Variants in AHNAK observed in about 807,000 individuals in gnomAD.
AHNAK encodes the protein neuroblast differentiation-associated protein AHNAK.
A neutral mutation model predicts 37.8 loss-of-function variants in AHNAK; 23 were observed. The ratio of observed to expected loss-of-function variants is 0.61; its 90% CI spans 0.44 to 0.86. AHNAK has a LOEUF of 0.86. Among genes scored for constraint, AHNAK ranks in the 40% least tolerant of loss-of-function variants. The probability of loss-of-function intolerance (pLI) is 0.00; values close to 1 mark genes in which losing one functional copy is unlikely to be tolerated. For missense variants in AHNAK, 7,411 were observed against 7,319.4 expected (o/e 1.01, Z -0.46); for synonymous variants, 2,481 against 2,636.3 (o/e 0.94, Z 1.80).
At chr11:62,534,936 G>A (rs1483764192) in intron 4 of AHNAK, 67 bp downstream of exon 4, 1 of 1,540,868 alleles carries the variant, frequency 6.5e-7, no homozygotes, top group African/African-American at 1.4e-5. Flanking sequence ...GAAGGCTCAG[G>A]AGTGGGGTCA....
chr11:62,475,421 C>A (rs528158079), intron 5 of AHNAK, among the ~76,000 whole-genome samples: 1 of 152,038 alleles, frequency 6.6e-6, no homozygotes, highest in Non-Finnish European at 1.5e-5. Context: ...GAACAGAAAA[C>A]CAAATATGGC....
At chr11:62,543,235 G>C (rs1349146326) in intron 1 of AHNAK, among the ~76,000 whole-genome samples, 2 of 152,192 alleles carry the variant, frequency 1.3e-5, no homozygotes, top group African/African-American at 4.8e-5. Flanking sequence ...ACATGTCCAG[G>C]ACCGAGAAAC....
At position 62,528,352 on chromosome 11, in the gene AHNAK, T is replaced by A; in HGVS notation, c.6065A>T (p.Asp2022Val). 1.2e-6 allele frequency: 2 copies of A among 1,613,614 alleles called. No homozygotes were observed. The highest frequency in any genetic ancestry group is 1.7e-6 in the Non-Finnish European group (2 of 1,179,942). The part of the protein sequence containing the change: ...PKVEGEMKVP[D>V]VDIKGPKMDI... ...CATTTTGGGTCCTTTGATGTCAACA[T>A]CTGGCACTTTCATTTCACCTTCTAC... The change falls in exon 5 of 5, where the codon GAT becomes GTT. Residue 2022 changes from aspartate to valine, a missense_variant. Coordinates refer to ENST00000378024, the MANE Select transcript of AHNAK (RefSeq NM_001620.3).
rs181802575 is a variant in AHNAK, at chr11:62,515,943, A to G, written c.*801T>C. ...GCTTTATTTGCCTTGTACAGCATCA[A>G]TTTTCTTACATTCTCAGTTAATTGG... On this transcript the variant is annotated 3_prime_UTR_variant, in exon 5 of 5. Coordinates refer to ENST00000378024, the MANE Select transcript of AHNAK (RefSeq NM_001620.3). 4 of 1,173,476 alleles carry G rather than the reference A, an allele frequency of 3.4e-6. No homozygotes were observed. The highest frequency in any genetic ancestry group is 1.2e-4 in the East Asian group (2 of 17,082). The allele number at this position is 1,173,476 out of a possible 1,614,324, so 72.7% of individuals were successfully genotyped here.
At chr11:62,502,773 G>A (rs765140660) in intron 4 of AHNAK, among the ~76,000 whole-genome samples, 7 of 152,208 alleles carry the variant, frequency 4.6e-5, no homozygotes, top group Non-Finnish European at 8.8e-5. Flanking sequence ...CCCAAAGGAT[G>A]AGGAAGAAAA....
At chr11:62,485,746 T>G (rs1939378616) in intron 5 of AHNAK, among the ~76,000 whole-genome samples, 1 of 145,114 alleles carries the variant, frequency 6.9e-6, no homozygotes, top group Non-Finnish European at 1.5e-5. Flanking sequence ...CCGGGAGTGG[T>G]GGCTCATGCC....
chr11:62,538,163 G>C (rs1331340288), intron 1 of AHNAK, among the ~76,000 whole-genome samples: 2 of 152,122 alleles, frequency 1.3e-5, no homozygotes, highest in African/African-American at 4.8e-5. Flanking sequence ...CCAGCTGGCA[G>C]CTCTGGGAGC....
At chr11:62,534,547 C>T (rs1183562392) in intron 4 of AHNAK, among the ~76,000 whole-genome samples, 1 of 152,160 alleles carries the variant, frequency 6.6e-6, no homozygotes, top group Admixed American at 6.5e-5. Flanking sequence ...ACTTTGAGGA[C>T]CCATTATTTG....
At position 62,532,718 on chromosome 11, in the gene AHNAK, A is replaced by G. The variant is rs1940802758; in HGVS notation, c.1699T>C (p.Cys567Arg). 2 of 1,613,818 alleles carry G rather than the reference A, an allele frequency of 1.2e-6. No individual in the cohort carries two copies. The highest frequency in any genetic ancestry group is 1.3e-5 in the African/African-American group (1 of 74,860). ...TCTACTTCTGACATAGAGATCCTAC[A>G]GGTTCCGGTTTTCCCGGAAGGACTG... Reference protein sequence around the residue: ...LGSPSGKTGTCRISMSEVDLN... With the variant: ...LGSPSGKTGTRRISMSEVDLN... Residue 567 changes from cysteine to arginine, a missense_variant, in exon 5 of 5, where the codon TGT becomes CGT. Cys to Arg is a radical substitution (Grantham distance 180). Transcript: ENST00000378024.
chr11:62,462,357 G>C (rs549559067), intron 5 of AHNAK, among the ~76,000 whole-genome samples: 2 of 152,258 alleles, frequency 1.3e-5, no homozygotes, highest in East Asian at 3.9e-4. Flanking sequence ...GCAGTTTTCT[G>C]TCTCTATTTG....
rs1940279926 is a variant in AHNAK, at chr11:62,522,258, G to A, written c.12159C>T (p.Gly4053=). ...DIDAPDVDVH[G]PDWHLKMPKV... ...TGGGCATCTTCAGGTGCCAGTCTGG[G>A]CCATGAACATCCACATCTGGGGCAT... is the stretch of plus-strand genomic sequence containing the variant. The change falls in exon 5 of 5, where the codon GGC becomes GGT. Residue 4053 remains glycine, a synonymous_variant. Coordinates refer to ENST00000378024, the MANE Select transcript of AHNAK (RefSeq NM_001620.3). The A allele has an allele frequency of 6.2e-7, 1 of 1,613,054 alleles. No homozygotes were observed. Among genetic ancestry groups the A allele is most frequent in the Non-Finnish European group, 8.5e-7 (1 of 1,179,822 alleles).
At chr11:62,500,813 G>A (rs144064221) in intron 4 of AHNAK, among the ~76,000 whole-genome samples, 1 of 152,322 alleles carries the variant, frequency 6.6e-6, no homozygotes, top group East Asian at 1.9e-4. Context: ...AAGCCTCTAT[G>A]TCAGCTGAGT....
chr11:62,449,370 C>G (rs1267886572), intron 5 of AHNAK, among the ~76,000 whole-genome samples: 1 of 152,170 alleles, frequency 6.6e-6, no homozygotes, highest in Admixed American at 6.5e-5. Context: ...GGGTCTGCCC[C>G]CTGCTCAGCT....
rs1214084258 is a variant in AHNAK at position 62,525,292 on chromosome 11, A to C, written c.9125T>G (p.Val3042Gly). ...MPGFKGEGPD[V>G]DVNLPKADLD... ...GTCAGCCTTGGGCAGGTTCACATCC[A>C]CATCTGGGCCCTCTCCTTTGAAGCC... Residue 3042 changes from valine (V) to glycine (G), a missense_variant, in exon 5 of 5, where the codon GTG becomes GGG. Coordinates refer to ENST00000378024, the MANE Select transcript of AHNAK (RefSeq NM_001620.3). 3.7e-6 allele frequency: 6 copies of C among 1,612,690 alleles called. No homozygotes were observed. Among genetic ancestry groups the C allele is most frequent in the East Asian group, 2.2e-5 (1 of 44,732 alleles).
chr11:62,471,636 G>A (rs1253013045), intron 5 of AHNAK, among the ~76,000 whole-genome samples: 1 of 152,168 alleles, frequency 6.6e-6, no homozygotes, highest in African/African-American at 2.4e-5. Context: ...TTGGATTAGG[G>A]ATGCTCAACC....
chr11:62,454,593 G>A (rs1313383142), intron 5 of AHNAK, among the ~76,000 whole-genome samples: 1 of 152,130 alleles, frequency 6.6e-6, no homozygotes, highest in Non-Finnish European at 1.5e-5. Context: ...TTCGCAGGAT[G>A]CCACCCTGGG....
intron 5 of AHNAK, among the ~76,000 whole-genome samples, chr11:62,453,575 C>T (rs914898671): frequency 2.0e-5 from 3 of 152,156 alleles, no homozygotes; most frequent in Admixed American, 1.3e-4. Context: ...GCACCACTGC[C>T]TTGCAAGAAG....
At position 62,523,646 on chromosome 11, in the gene AHNAK, C is replaced by A; in HGVS notation, c.10771G>T (p.Val3591Leu). ...GPKVDINAPD[V>L]DVHGPDWHLK... ...TGCCAGTCTGGACCATGAACATCCACATCTGGGGCATTGATGTCCACTTTA... is the reference window on the plus strand; with the variant it reads ...TGCCAGTCTGGACCATGAACATCCAAATCTGGGGCATTGATGTCCACTTTA... The change falls in exon 5 of 5, where the codon GTG becomes TTG. Residue 3591 changes from valine to leucine, a missense_variant. By Grantham distance (32) the Val-to-Leu change is conservative. Transcript: ENST00000378024. The A allele has an allele frequency of 6.2e-7, 1 of 1,614,092 alleles. No individual in the cohort carries two copies. The highest frequency in any genetic ancestry group is 1.7e-4 in the Middle Eastern group (1 of 6,060).
In AHNAK at chr11:62,524,715, T is replaced by G. The variant is rs140342471; in HGVS notation, c.9702A>C (p.Lys3234Asn). ...TTGCAAGTGAAACATCCACCTCTCC[T>G]TTCATTTTAGGGCCTTTAAGATTGA... ...LDLNLKGPKMKGEVDVSLANV... is the reference protein window; with the variant it reads ...LDLNLKGPKMNGEVDVSLANV... The change falls in exon 5 of 5, where the codon AAA becomes AAC. Residue 3234 changes from lysine (K) to asparagine (N), a missense_variant. Coordinates refer to ENST00000378024, the MANE Select transcript of AHNAK (RefSeq NM_001620.3). 15 of 1,614,230 alleles carry G rather than the reference T, an allele frequency of 9.3e-6. No individual in the cohort carries two copies. In the African/African-American group the frequency reaches 1.2e-4, roughly 13 times the overall value.
Sources: gnomAD v4.1 joint callset for allele counts (sites outside exome capture counted in the v4.1 genomes callset) on GRCh38, gnomAD v4.1.1 for gene constraint, MANE v1.5 for transcripts, NCBI Gene and HGNC (gene_info 2026-07-23, HGNC 2026-07-21) for gene names.